BIRC6: variants seen among roughly 807,000 people sequenced by gnomAD.
BIRC6 encodes the protein baculoviral IAP repeat containing 6.
BIRC6 carries 98 observed loss-of-function variants against 503.3 expected under a neutral mutation model. The observed-to-expected ratio is 0.19, with a 90% confidence interval of 0.17 to 0.23. BIRC6 has a LOEUF of 0.23. Among genes scored for constraint, BIRC6 ranks in the 10% least tolerant of loss-of-function variants. BIRC6 has a pLI of 1.00. For synonymous variants in BIRC6, 2,240 were observed against 2,078.7 expected, an observed-to-expected ratio of 1.08 and a Z score of -2.11; for missense variants, 5,360 against 5,806.0, an observed-to-expected ratio of 0.92 and a Z score of 2.50.
intron 34 of BIRC6, 94 bp downstream of exon 34, chr2:32,476,438 G>C (rs964651365): frequency 3.6e-5 from 48 of 1,330,902 alleles, no homozygotes; most frequent in Non-Finnish European, 4.5e-5. Context: ...ACATTACTCT[G>C]CTTAACAGAG....
chr2:32,505,244 C>T, intron 50 of BIRC6, 39 bp downstream of exon 50: 1 of 1,453,868 alleles, frequency 6.9e-7, no homozygotes, highest in Non-Finnish European at 9.4e-7. Context: ...TGAGAACAAG[C>T]TTTAATTTAG....
At chr2:32,598,607 A>G (rs1372993651) in intron 69 of BIRC6, among the ~76,000 whole-genome samples, 1 of 152,236 alleles carries the variant, frequency 6.6e-6, no homozygotes, top group Non-Finnish European at 1.5e-5. Context: ...TTAAACATTT[A>G]ACCCGAAAAA....
intron 20 of BIRC6, among the ~76,000 whole-genome samples, chr2:32,444,339 A>G (rs772913088): frequency 6.6e-6 from 1 of 152,196 alleles, no homozygotes; most frequent in African/African-American, 2.4e-5. Context: ...CATTGCATCC[A>G]TATTTCAAAA....
At chr2:32,483,205 C>T (rs1488506182) in intron 39 of BIRC6, among the ~76,000 whole-genome samples, 1 of 152,102 alleles carries the variant, frequency 6.6e-6, no homozygotes, top group Non-Finnish European at 1.5e-5. Context: ...GAGTGAGCCA[C>T]CATGCCTGGC....
intron 65 of BIRC6, among the ~76,000 whole-genome samples, chr2:32,561,905 G>T (rs1217240886): frequency 2.0e-5 from 3 of 151,790 alleles, no homozygotes; most frequent in Non-Finnish European, 4.4e-5. Context: ...AGCCAGGCGT[G>T]GTGGTGGGCC....
intron 66 of BIRC6, among the ~76,000 whole-genome samples, chr2:32,579,862 AT>A (rs796180938): frequency 6.0e-4 from 89 of 148,068 alleles, no homozygotes; most frequent in African/African-American, 1.7e-3. Context: ...CACTTAACAG[AT>A]TTTTTTTTTA....
At chr2:32,378,105 C>T (rs934617563) in intron 2 of BIRC6, among the ~76,000 whole-genome samples, 1 of 152,188 alleles carries the variant, frequency 6.6e-6, no homozygotes, top group East Asian at 1.9e-4. Flanking sequence ...AACCTCAACA[C>T]TTGGGTTAGC....
chr2:32,467,778 T>G, intron 27 of BIRC6, 39 bp downstream of exon 27: 9 of 1,535,758 alleles, frequency 5.9e-6, no homozygotes, highest in Non-Finnish European at 7.9e-6. Flanking sequence ...ACGCTTTCTA[T>G]GTTTCTGACA....
chr2:32,392,377 C>T (rs533365703), intron 5 of BIRC6, among the ~76,000 whole-genome samples: 2 of 152,158 alleles, frequency 1.3e-5, no homozygotes, highest in African/African-American at 4.8e-5. Context: ...GCCTCAGCCT[C>T]CTTGAGTAGC....
At chr2:32,488,264 G>A (rs940758013) in intron 41 of BIRC6, among the ~76,000 whole-genome samples, 1 of 151,810 alleles carries the variant, frequency 6.6e-6, no homozygotes, top group Non-Finnish European at 1.5e-5. Flanking sequence ...GATGGCTTGA[G>A]CCCAGGAGTT....
rs2050866967 is a variant in BIRC6 at position 32,485,253 on chromosome 2, CTATT to C, written c.7697-389_7697-386del. On this transcript the variant is annotated intron_variant, in intron 39 of 73. Coordinates refer to ENST00000421745, the MANE Select transcript of BIRC6 (RefSeq NM_016252.4). Reference sequence around the variant, plus strand: ...CATCTATATTTCTGTATCTGTCTATCTATTCTGAATATGATGAATTCACATCAGT... The same window carrying C: ...CATCTATATTTCTGTATCTGTCTATCCTGAATATGATGAATTCACATCAGT... 3.9e-5 allele frequency among the ~76,000 whole-genome samples: 6 copies of C among 152,284 alleles called. No individual in the cohort carries two copies. In the South Asian group the frequency reaches 1.2e-3, roughly 32 times the overall value.
intron 55 of BIRC6, 26 bp from the exon 56 acceptor site, chr2:32,518,228 A>T: frequency 6.3e-7 from 1 of 1,598,138 alleles, no homozygotes; most frequent in Non-Finnish European, 8.5e-7. Context: ...CTTGCATTTA[A>T]CTTTTTAAAT....
chr2:32,481,813 C>T (rs1470211431), intron 38 of BIRC6, among the ~76,000 whole-genome samples: 2 of 152,002 alleles, frequency 1.3e-5, no homozygotes, highest in Non-Finnish European at 2.9e-5. Flanking sequence ...TTTTCAGTCT[C>T]ATACTTTTGG....
At chr2:32,534,801 A>G (rs4435504) in intron 61 of BIRC6, among the ~76,000 whole-genome samples, 5 of 150,178 alleles carry the variant, frequency 3.3e-5, no homozygotes, top group Non-Finnish European at 1.5e-5. Context: ...AATGAGAAGA[A>G]CATAAGAGCT....
At chr2:32,456,454 G>A (rs998367656) in intron 23 of BIRC6, among the ~76,000 whole-genome samples, 1 of 152,172 alleles carries the variant, frequency 6.6e-6, no homozygotes, top group African/African-American at 2.4e-5. Context: ...GTTTCATTGT[G>A]GAGCTAATAG....
chr2:32,473,706 CGTGTGTGTGTGTGTGTGTGTGTGT>C (rs70938348), intron 33 of BIRC6, among the ~76,000 whole-genome samples: 32 of 72,670 alleles, frequency 4.4e-4, no homozygotes, highest in Non-Finnish European at 7.3e-4. Context: ...TCTCCTTTTT[CGTGTGTGTGTGTGTGTGTGTGTGT>C]GTGTGTGTGT....
At chr2:32,468,885 G>A in intron 29 of BIRC6, 102 bp downstream of exon 29, 1 of 947,736 alleles carries the variant, frequency 1.1e-6, no homozygotes, top group Non-Finnish European at 1.5e-6. Flanking sequence ...GTAAATTTTG[G>A]TATTTTAAAA....
chr2:32,558,311 A>G (rs1028401298), intron 65 of BIRC6, among the ~76,000 whole-genome samples: 2 of 140,870 alleles, frequency 1.4e-5, no homozygotes, highest in South Asian at 2.3e-4. Flanking sequence ...GTGAACTGCA[A>G]TTTATATACA....
intron 66 of BIRC6, among the ~76,000 whole-genome samples, chr2:32,580,975 G>A (rs567734965): frequency 6.6e-6 from 1 of 152,178 alleles, no homozygotes; most frequent in Non-Finnish European, 1.5e-5. Flanking sequence ...AAATGGATCT[G>A]GGAACATGGC....
Sources: allele counts gnomAD v4.1 joint callset (sites outside exome capture counted in the v4.1 genomes callset), GRCh38; gene constraint gnomAD v4.1.1; transcripts MANE v1.5; gene names NCBI Gene and HGNC (gene_info 2026-07-23, HGNC 2026-07-21).